The following ZBTB16 variants were observed in gnomAD, a reference collection of about 807,000 sequenced individuals.
The protein encoded by ZBTB16 is zinc finger and BTB domain containing 16.
Under a neutral mutation model 56.8 loss-of-function variants are expected in ZBTB16, and 8 were observed. The observed-to-expected ratio is 0.14, with a 90% confidence interval of 0.08 to 0.25. The LOEUF is 0.25. Ranked by LOEUF, ZBTB16 falls within the 10% of genes least tolerant of loss-of-function variation. The pLI, the probability that ZBTB16 is intolerant of heterozygous loss-of-function variation, is 1.00. For missense variants in ZBTB16, 625 were observed against 903.0 expected, an observed-to-expected ratio of 0.69 and a Z score of 3.95; for synonymous variants, 363 against 368.5, an observed-to-expected ratio of 0.98 and a Z score of 0.17.
chr11:114,143,662 C>T lies in ZBTB16; in HGVS notation c.1269-12675C>T, dbSNP rs753535193. Among the ~76,000 whole-genome samples, 10 of 152,206 alleles carry T rather than the reference C, an allele frequency of 6.6e-5. No individual in the cohort carries two copies. The highest frequency in any genetic ancestry group is 1.2e-4 in the Non-Finnish European group (8 of 68,038). On this transcript the variant is annotated intron_variant, in intron 2 of 6. Coordinates refer to ENST00000335953, the MANE Select transcript of ZBTB16 (RefSeq NM_006006.6). This position sits in a 1 kb window ranked among gnomAD's most constrained non-coding sequence, Gnocchi z 6.4. The stretch of plus-strand genomic sequence containing the variant: ...CAGTGTATTGTAAGAGTGGGGCCAA[C>T]GTCCTTGTGCATTGAGGCTCCAGCC...
chr11:114,190,274 G>A (rs191028023), intron 4 of ZBTB16, among the ~76,000 whole-genome samples: 2 of 152,236 alleles, frequency 1.3e-5, no homozygotes, highest in Admixed American at 6.5e-5. Flanking sequence ...GAGGCTCCTC[G>A]ACTTACAATG....
rs543236488 is a variant in ZBTB16 at position 114,245,162 on chromosome 11, T to C, written c.1625-2036T>C. On this transcript the variant is annotated intron_variant, in intron 5 of 6. Coordinates refer to ENST00000335953, the MANE Select transcript of ZBTB16 (RefSeq NM_006006.6). ...AGGGTCTGCACAGGCCTCCACTCCC[T>C]TGAGTTTGATGGGGCTGGGGGCCAG... Among the ~76,000 whole-genome samples the C allele has an allele frequency of 1.1e-4, 16 of 152,266 alleles. No homozygotes were observed. In the East Asian group the frequency reaches 2.9e-3, roughly 28 times the overall value.
chr11:114,181,982 C>T (rs1591758060), intron 3 of ZBTB16, among the ~76,000 whole-genome samples: 1 of 152,118 alleles, frequency 6.6e-6, no homozygotes, highest in Admixed American at 6.5e-5. Context: ...GCAAGGGCCT[C>T]CCTGACTACG....
At chr11:114,183,393 A>G (rs1053991618) in intron 3 of ZBTB16, among the ~76,000 whole-genome samples, 4 of 152,072 alleles carry the variant, frequency 2.6e-5, no homozygotes, top group Non-Finnish European at 1.5e-5. Context: ...CACTTGTCTG[A>G]TGGTACACAT....
At chr11:114,122,828 C>G (rs1941381785) in intron 2 of ZBTB16, among the ~76,000 whole-genome samples, 1 of 152,164 alleles carries the variant, frequency 6.6e-6, no homozygotes, top group African/African-American at 2.4e-5. Context: ...GGATAGTTAT[C>G]CACTCTTGGC....
chr11:114,115,604 C>T (rs1941148026), intron 2 of ZBTB16, among the ~76,000 whole-genome samples: 1 of 152,136 alleles, frequency 6.6e-6, no homozygotes, highest in Non-Finnish European at 1.5e-5. Flanking sequence ...ACTGGGTGTA[C>T]ACCAGCTTTC....
intron 4 of ZBTB16, among the ~76,000 whole-genome samples, chr11:114,201,488 A>ATGG (rs1943736225): frequency 6.6e-6 from 1 of 152,228 alleles, no homozygotes; most frequent in Non-Finnish European, 1.5e-5. Context: ...AAATGCTCAG[A>ATGG]AACCCTTGGC....
chr11:114,073,970 G>A (rs1213666632), intron 2 of ZBTB16, among the ~76,000 whole-genome samples: 1 of 152,216 alleles, frequency 6.6e-6, no homozygotes, highest in African/African-American at 2.4e-5. Context: ...AAAGACTGAC[G>A]TCTGATGGAC....
In ZBTB16 at chr11:114,255,788, T is replaced by C; in HGVS notation, c.*5233T>C. Among the ~76,000 whole-genome samples the C allele has an allele frequency of 6.6e-6, 1 of 151,984 alleles. No individual in the cohort carries two copies. Among genetic ancestry groups the C allele is most frequent in the Non-Finnish European group, 1.5e-5 (1 of 68,010 alleles). On this transcript the variant is annotated 3_prime_UTR_variant, in exon 7 of 7. Coordinates refer to ENST00000335953, the MANE Select transcript of ZBTB16 (RefSeq NM_006006.6). ...CTGCAGGTTTTTTTCTCTCTCCATGTGTCACTAAGTGAAGTTTGTGCCTTC... is the reference window on the plus strand; with the variant it reads ...CTGCAGGTTTTTTTCTCTCTCCATGCGTCACTAAGTGAAGTTTGTGCCTTC...
At chr11:114,237,917 T>C (rs1396145395) in intron 4 of ZBTB16, among the ~76,000 whole-genome samples, 1 of 152,214 alleles carries the variant, frequency 6.6e-6, no homozygotes, top group Non-Finnish European at 1.5e-5. Context: ...AGGCTCCCCT[T>C]TCTTCCCCTG....
chr11:114,100,262 G>C (rs1423309627), intron 2 of ZBTB16, among the ~76,000 whole-genome samples: 1 of 152,164 alleles, frequency 6.6e-6, no homozygotes, highest in Non-Finnish European at 1.5e-5. Context: ...CTCTGCTCAT[G>C]GTCAGCCCGA....
intron 2 of ZBTB16, among the ~76,000 whole-genome samples, chr11:114,154,757 A>G (rs1399114753): frequency 6.6e-6 from 1 of 152,016 alleles, no homozygotes; most frequent in Non-Finnish European, 1.5e-5. Context: ...TATGTTTGTG[A>G]TTGAGAAATC....
chr11:114,238,280 A>G (rs1944634952), intron 4 of ZBTB16, among the ~76,000 whole-genome samples: 1 of 152,200 alleles, frequency 6.6e-6, no homozygotes, highest in African/African-American at 2.4e-5. Flanking sequence ...GGCTTCAAAC[A>G]CAGGTCAGAT....
chr11:114,070,442 C>T (rs1398501548), intron 2 of ZBTB16, among the ~76,000 whole-genome samples: 1 of 152,132 alleles, frequency 6.6e-6, no homozygotes, highest in African/African-American at 2.4e-5. Context: ...CAGTTTTGGT[C>T]GTTGAAGCAC....
Position 114,253,842 on chromosome 11 carries a change from G to T in ZBTB16, c.*3287G>T, listed in dbSNP as rs527742128. ...TGTGTCTGGAGTTAAGGGGAGAGGA[G>T]GAGGGTAGACAGGGGTCTCTCCCCA... On this transcript the variant is annotated 3_prime_UTR_variant, in exon 7 of 7. Transcript: ENST00000335953. Among the ~76,000 whole-genome samples, 12 of 152,332 alleles carry T rather than the reference G, an allele frequency of 7.9e-5. No homozygotes were observed. In the South Asian group the frequency reaches 2.5e-3, roughly 32 times the overall value.
Position 114,136,256 on chromosome 11 carries a change from A to G in ZBTB16, c.1269-20081A>G, listed in dbSNP as rs892244080. Among the ~76,000 whole-genome samples the G allele has an allele frequency of 2.6e-5, 4 of 152,258 alleles. No individual in the cohort carries two copies. In the South Asian group the frequency reaches 6.2e-4, roughly 24 times the overall value. On this transcript the variant is annotated intron_variant, in intron 2 of 6. Transcript: ENST00000335953. ...TGTTAAAAATGAGCCTTCAAGTACTATCTCGGCATTTTGCAAAGGTTAAAG... is the reference window on the plus strand; with the variant it reads ...TGTTAAAAATGAGCCTTCAAGTACTGTCTCGGCATTTTGCAAAGGTTAAAG...
chr11:114,185,169 A>G lies in ZBTB16; in HGVS notation c.1367-1783A>G, dbSNP rs1943333364. On this transcript the variant is annotated intron_variant, in intron 3 of 6. Transcript: ENST00000335953. ...GCTGCCATTAAGCTATGACTGCACC[A>G]CTGTACTCCAGCCTTGGTGACAGAC... Among the ~76,000 whole-genome samples the G allele has an allele frequency of 2.6e-5, 4 of 152,278 alleles. No individual in the cohort carries two copies. The South Asian group carries it at 6.2e-4, about 24-fold the overall frequency.
In ZBTB16 at chr11:114,095,254, T is replaced by C. The variant is rs1200203149; in HGVS notation, c.1268+30686T>C. The stretch of plus-strand genomic sequence containing the variant: ...TCTTTTCTTTTCTTTTCTTTTTTTT[T>C]TTTTTTTTTTTTTTTTTGTGATGGA... On this transcript the variant is annotated intron_variant, in intron 2 of 6. Transcript: ENST00000335953. Among the ~76,000 whole-genome samples, 526 of 128,406 alleles carry C rather than the reference T, an allele frequency of 4.1e-3. 1 individual carries two copies. The highest frequency in any genetic ancestry group is 0.015 in the African/African-American group (459 of 31,362). 84.2% of individuals were successfully genotyped at this position (128,406 alleles called of 152,430 possible).
chr11:114,070,087 T>C (rs1353276976), intron 2 of ZBTB16, among the ~76,000 whole-genome samples: 1 of 144,522 alleles, frequency 6.9e-6, no homozygotes, highest in Non-Finnish European at 1.5e-5. Flanking sequence ...GGTGTCAGAG[T>C]ACCTTTCTTT....
Sources: gnomAD v4.1 joint callset for allele counts (sites outside exome capture counted in the v4.1 genomes callset) on GRCh38, gnomAD v4.1.1 for gene constraint, Gnocchi (gnomAD v3.1) non-coding constraint, MANE v1.5 for transcripts, NCBI Gene and HGNC (gene_info 2026-07-23, HGNC 2026-07-21) for gene names.